The following IPO8 variants were observed in gnomAD, a reference collection of about 807,000 sequenced individuals.
The protein encoded by IPO8 is importin-8.
Under a neutral mutation model 141.2 loss-of-function variants are expected in IPO8, and 65 were observed. The observed-to-expected ratio is 0.46, with a 90% confidence interval of 0.38 to 0.57. The LOEUF (loss-of-function observed/expected upper bound fraction) is 0.57, where lower values mean the gene tolerates loss of function less well. Ranked by LOEUF, IPO8 falls within the 20% of genes least tolerant of loss-of-function variation. The probability of loss-of-function intolerance (pLI) is 0.00; values close to 1 mark genes in which losing one functional copy is unlikely to be tolerated. For synonymous variants in IPO8, 411 were observed against 420.3 expected (o/e 0.98, Z 0.27); for missense variants, 980 against 1,246.8 (o/e 0.79, Z 3.22).
chr12:30,649,256 A>C, intron 19 of IPO8, 24 bp from the exon 20 acceptor site: 42 of 1,548,434 alleles, frequency 2.7e-5, no homozygotes, highest in Non-Finnish European at 3.6e-5. Flanking sequence ...AATTTAGCTC[A>C]GCAGTAAGTG....
intron 2 of IPO8, among the ~76,000 whole-genome samples, chr12:30,687,506 C>T (rs2053253078): frequency 6.6e-6 from 1 of 151,972 alleles, no homozygotes; most frequent in Non-Finnish European, 1.5e-5. Context: ...ACTGTTATCT[C>T]GGTGGGCAGA....
Position 30,647,603 on chromosome 12 carries a change from CAAAAAAAAAA to C in IPO8, c.2268+1524_2268+1533del, listed in dbSNP as rs34098076. Among the ~76,000 whole-genome samples, 6 of 40,788 alleles carry C rather than the reference CAAAAAAAAAA, an allele frequency of 1.5e-4. No homozygotes were observed. The East Asian group carries it at 2.5e-3, about 17-fold the overall frequency. The allele number at this position is 40,788 out of a possible 152,430, so 26.8% of individuals were successfully genotyped here. ...CCAGGTGATAGAATGAGACCGTCTC[CAAAAAAAAAA>C]AAAAAAAAAAAAGACACCAACCACA... On this transcript the variant is annotated intron_variant, in intron 20 of 24. Transcript: ENST00000256079.
rs564289661 is a variant in IPO8 at position 30,634,379 on chromosome 12, T to C, written c.2696-93A>G. The C allele has an allele frequency of 1.3e-3, 1,215 of 957,144 alleles. 3 individuals are homozygous for C. Among genetic ancestry groups the C allele is most frequent in the Non-Finnish European group, 1.7e-3 (1,117 of 644,528 alleles). The allele number at this position is 957,144 out of a possible 1,614,324, so 59.3% of individuals were successfully genotyped here. A position where few individuals can be genotyped will look rare whatever the true frequency, so the allele number is the denominator to read the frequency against. On this transcript the variant is annotated intron_variant, in intron 22 of 24. Coordinates refer to ENST00000256079, the MANE Select transcript of IPO8 (RefSeq NM_006390.4). ...AAAACCAAAGACTATAAAACTACAC[T>C]CTGGAAAGGAAAAAATCTTCCACAA...
At chr12:30,648,895 T>TA (rs1356057995) in intron 20 of IPO8, among the ~76,000 whole-genome samples, 1 of 129,190 alleles carries the variant, frequency 7.7e-6, no homozygotes, top group Non-Finnish European at 1.6e-5. Flanking sequence ...TTTCCTTCAT[T>TA]ATTTTTTTGA....
At chr12:30,631,501 G>A (rs181360735) in intron 24 of IPO8, 1 of 167,950 alleles carries the variant, frequency 6.0e-6, no homozygotes, top group East Asian at 1.7e-4. Context: ...GAGAAATAGA[G>A]AGCATTCCAT....
intron 1 of IPO8, among the ~76,000 whole-genome samples, chr12:30,691,529 G>C (rs1000605386): frequency 3.9e-5 from 6 of 152,200 alleles, no homozygotes; most frequent in African/African-American, 1.4e-4. Context: ...GTTATATCCA[G>C]ATGTACAGTA....
chr12:30,673,675 A>G (rs932326208), intron 8 of IPO8, among the ~76,000 whole-genome samples: 8 of 152,356 alleles, frequency 5.3e-5, no homozygotes, highest in African/African-American at 1.9e-4. Flanking sequence ...AAAACTCATA[A>G]GAGGTCAGAG....
chr12:30,631,699 T>C (rs1423578611), intron 24 of IPO8, 196 bp downstream of exon 24: 2 of 491,912 alleles, frequency 4.1e-6, no homozygotes, highest in Non-Finnish European at 7.3e-6. Context: ...TACATATTAA[T>C]GTGCAGGTTT....
chr12:30,644,323 A>G (rs1417102965), intron 20 of IPO8, among the ~76,000 whole-genome samples: 2 of 151,496 alleles, frequency 1.3e-5, no homozygotes, highest in Non-Finnish European at 2.9e-5. Flanking sequence ...ATGAGATACG[A>G]CTGCACCATT....
chr12:30,672,908 A>G (rs1477861312), intron 8 of IPO8, among the ~76,000 whole-genome samples: 1 of 152,134 alleles, frequency 6.6e-6, no homozygotes, highest in East Asian at 1.9e-4. Flanking sequence ...ATCTCAAGAC[A>G]ACAGGTTCTA....
At chr12:30,674,624 C>T in intron 7 of IPO8, 35 bp downstream of exon 7, 1 of 1,388,876 alleles carries the variant, frequency 7.2e-7, no homozygotes, top group South Asian at 1.2e-5. Context: ...GAGATACTGG[C>T]TGTATGATCA....
chr12:30,654,309 AT>A (rs557351314), intron 17 of IPO8, among the ~76,000 whole-genome samples: 3,020 of 144,424 alleles, frequency 0.021, 59 homozygotes, highest in African/African-American at 0.053. Context: ...CCAGGGAATG[AT>A]TTTTTTTTTT....
chr12:30,631,062 G>A (rs2052425534), intron 24 of IPO8, 105 bp from the exon 25 acceptor site: 1 of 704,280 alleles, frequency 1.4e-6, no homozygotes, highest in South Asian at 1.8e-5. Flanking sequence ...GCTTAGAACT[G>A]TGAAAGAATG....
chr12:30,683,970 T>C (rs1204867067), intron 3 of IPO8, among the ~76,000 whole-genome samples: 2 of 152,158 alleles, frequency 1.3e-5, no homozygotes, highest in African/African-American at 2.4e-5. Context: ...GAAAAGCAGG[T>C]AGTAAAAAAA....
intron 12 of IPO8, 128 bp downstream of exon 12, chr12:30,665,601 G>A: frequency 1.5e-6 from 1 of 648,686 alleles, no homozygotes; most frequent in South Asian, 2.1e-5. Context: ...ATGACAGAAA[G>A]GAGGATAGTT....
At position 30,666,365 on chromosome 12, in the gene IPO8, C is replaced by T; in HGVS notation, c.1145-114G>A. On this transcript the variant is annotated intron_variant, in intron 10 of 24. Coordinates refer to ENST00000256079, the MANE Select transcript of IPO8 (RefSeq NM_006390.4). ...AAAAAATAAAACCATCCACATATGA[C>T]ACTGCTTGACAGTACTAAAAAGGTA... 5.1e-6 allele frequency: 3 copies of T among 589,064 alleles called. No homozygotes were observed. The South Asian group carries it at 9.0e-5, about 18-fold the overall frequency. The allele number at this position is 589,064 out of a possible 1,614,324, so 36.5% of individuals were successfully genotyped here.
chr12:30,665,833 T>C lies in IPO8; in HGVS notation c.1234A>G (p.Met412Val). The change falls in exon 12 of 25, where the codon ATG becomes GTG. Residue 412 changes from methionine to valine, a missense_variant. By Grantham distance (21) the Met-to-Val change is conservative. Around this residue, in one of 3 missense-constraint regions of IPO8, gnomAD observed 924 missense variants for 1,153.9 expected, o/e 0.80. Coordinates refer to ENST00000256079, the MANE Select transcript of IPO8 (RefSeq NM_006390.4). ...AKKRKEVLPKMMAFCYQILTD... is the reference protein window; with the variant it reads ...AKKRKEVLPKVMAFCYQILTD... ...AGGATTTGATAACAGAATGCCATCA[T>C]TTTTGGCAACACCTAAAGAAACAGA... 1 of 1,610,690 alleles carries C rather than the reference T, an allele frequency of 6.2e-7. No homozygotes were observed. Among genetic ancestry groups the C allele is most frequent in the Non-Finnish European group, 8.5e-7 (1 of 1,177,136 alleles).
chr12:30,658,909 C>G (rs574801351), intron 16 of IPO8, among the ~76,000 whole-genome samples: 14 of 116,056 alleles, frequency 1.2e-4, no homozygotes, highest in African/African-American at 3.7e-4. Context: ...GAGACAGAGT[C>G]TCGCTCTGTC....
Position 30,684,339 on chromosome 12 carries a change from G to C in IPO8, c.285C>G (p.Asn95Lys). 1 of 1,614,058 alleles carries C rather than the reference G, an allele frequency of 6.2e-7. No individual in the cohort carries two copies. The highest frequency in any genetic ancestry group is 8.5e-7 in the Non-Finnish European group (1 of 1,179,972). Residue 95 changes from asparagine (N) to lysine (K), a missense_variant, in exon 3 of 25, where the codon AAC becomes AAG. Coordinates refer to ENST00000256079, the MANE Select transcript of IPO8 (RefSeq NM_006390.4). ...GAGACCGAATTATTCCTTCCACAAT[G>C]TTATCACGTATTTGCTGGCGATCGT... is the stretch of plus-strand genomic sequence containing the variant. Reference protein sequence around the residue: ...HENDRQQIRDNIVEGIIRSPD... With the variant: ...HENDRQQIRDKIVEGIIRSPD...
Sources: gnomAD v4.1 joint callset for allele counts (sites outside exome capture counted in the v4.1 genomes callset) on GRCh38, gnomAD v4.1.1 for gene constraint, gnomAD v4.1.1 regional missense constraint, MANE v1.5 for transcripts, NCBI Gene and HGNC (gene_info 2026-07-23, HGNC 2026-07-21) for gene names.